MEI4: variants seen among roughly 807,000 people sequenced by gnomAD.
MEI4 encodes the protein meiosis-specific protein MEI4.
MEI4 carries 27 observed loss-of-function variants against 31.4 expected under a neutral mutation model. The observed-to-expected ratio is 0.86, with a 90% CI of 0.63 to 1.19. The LOEUF is 1.19. MEI4 is among the 50% of genes most tolerant of loss of function. The probability of loss-of-function intolerance (pLI) is 0.00; values close to 1 mark genes in which losing one functional copy is unlikely to be tolerated. For synonymous variants in MEI4, 122 were observed against 145.4 expected (o/e 0.84, Z 1.16); for missense variants, 329 against 398.9 (o/e 0.82, Z 1.49).
chr6:77,915,175 T>C (rs1339779573), intron 4 of MEI4, among the ~76,000 whole-genome samples: 1 of 152,104 alleles, frequency 6.6e-6, no homozygotes, highest in Non-Finnish European at 1.5e-5. Context: ...TTGGCAGTTT[T>C]CTGTATCGGT....
At chr6:77,792,561 C>T (rs142830117) in intron 3 of MEI4, among the ~76,000 whole-genome samples, 1 of 152,140 alleles carries the variant, frequency 6.6e-6, no homozygotes, top group East Asian at 1.9e-4. Flanking sequence ...CGGACTATTG[C>T]TATGGAACAT....
chr6:77,923,411 C>T lies in MEI4; in HGVS notation c.*65C>T. 8.7e-7 allele frequency: 1 copy of T among 1,143,654 alleles called. No homozygotes were observed. Among genetic ancestry groups the T allele is most frequent in the East Asian group, 3.2e-5 (1 of 31,102 alleles). 70.8% of individuals were successfully genotyped at this position (1,143,654 alleles called of 1,614,324 possible). On this transcript the variant is annotated 3_prime_UTR_variant, in exon 5 of 5. Transcript: ENST00000684080. ...AAGTAGAATATATGAAAATCTCATA[C>T]TGAAAAGATTTTCAATAGTATTTTA...
intron 3 of MEI4, among the ~76,000 whole-genome samples, chr6:77,811,815 A>C (rs1769580918): frequency 6.6e-6 from 1 of 152,092 alleles, no homozygotes; most frequent in Non-Finnish European, 1.5e-5. Context: ...CATATTAAGA[A>C]GTTATATTTG....
At chr6:77,832,368 T>G (rs1448925749) in intron 4 of MEI4, among the ~76,000 whole-genome samples, 3 of 151,984 alleles carry the variant, frequency 2.0e-5, no homozygotes, top group Non-Finnish European at 4.4e-5. Flanking sequence ...GTATGTCATA[T>G]TGTACTCTAT....
At chr6:77,886,398 C>G (rs1193130009) in intron 4 of MEI4, among the ~76,000 whole-genome samples, 3 of 150,822 alleles carry the variant, frequency 2.0e-5, no homozygotes, top group Non-Finnish European at 4.4e-5. Context: ...TGTACGTGTC[C>G]AAGAATTGAC....
In MEI4 at chr6:77,849,047, G is replaced by GT. The variant is rs774289695; in HGVS notation, c.900+19992dup. The stretch of plus-strand genomic sequence containing the variant: ...AACACACATATAATATAATTGCTGG[G>GT]TTTTTTTAATGGCATCATTAGCATT... On this transcript the variant is annotated intron_variant, in intron 4 of 4. Coordinates refer to ENST00000684080, the MANE Select transcript of MEI4 (RefSeq NM_001322247.2). Among the ~76,000 whole-genome samples the GT allele has an allele frequency of 9.9e-5, 15 of 151,796 alleles. No homozygotes were observed. In the East Asian group the frequency reaches 1.8e-3, roughly 18 times the overall value.
At chr6:77,779,357 G>T (rs1768536484) in intron 3 of MEI4, among the ~76,000 whole-genome samples, 1 of 152,154 alleles carries the variant, frequency 6.6e-6, no homozygotes, top group Admixed American at 6.5e-5. Context: ...CTTTTCATAT[G>T]ATTAATATGT....
At chr6:77,756,014 G>A (rs1209616775) in intron 2 of MEI4, among the ~76,000 whole-genome samples, 7 of 152,206 alleles carry the variant, frequency 4.6e-5, no homozygotes, top group East Asian at 3.9e-4. Flanking sequence ...TACAGAAAGC[G>A]GCACCAGCAT....
intron 1 of MEI4, among the ~76,000 whole-genome samples, chr6:77,683,416 ACACTT>A (rs1768993857): frequency 2.0e-5 from 3 of 152,156 alleles, no homozygotes; most frequent in Admixed American, 6.5e-5. Context: ...CGTGGTGAGA[ACACTT>A]AAGATATATT....
chr6:77,784,545 A>T (rs1464499370), intron 3 of MEI4, among the ~76,000 whole-genome samples: 2 of 152,148 alleles, frequency 1.3e-5, no homozygotes, highest in Non-Finnish European at 2.9e-5. Flanking sequence ...CATTCCTTGC[A>T]AATTAATTAA....
Position 77,694,949 on chromosome 6 carries a change from G to A in MEI4, c.232+4046G>A, listed in dbSNP as rs549077893. 5.8e-4 allele frequency among the ~76,000 whole-genome samples: 87 copies of A among 150,938 alleles called. 1 individual carries two copies. In the South Asian group the frequency reaches 0.016, roughly 28 times the overall value. ...GTTGTTTCCTGACTTTTTAATGATC[G>A]CCATTCTAACTGGTGTGAGATGGTA... On this transcript the variant is annotated intron_variant, in intron 2 of 4. Transcript: ENST00000684080.
At chr6:77,904,379 G>A (rs1253316665) in intron 4 of MEI4, among the ~76,000 whole-genome samples, 1 of 151,912 alleles carries the variant, frequency 6.6e-6, no homozygotes, top group Non-Finnish European at 1.5e-5. Flanking sequence ...GGTGTCACGG[G>A]GATTTGGTGT....
chr6:77,892,516 T>C, intron 4 of MEI4, among the ~76,000 whole-genome samples: 1 of 151,946 alleles, frequency 6.6e-6, no homozygotes, highest in African/African-American at 2.4e-5. Context: ...AGAACCCCCT[T>C]AGGGTGCATG....
At chr6:77,809,432 T>G (rs2127704318) in intron 3 of MEI4, among the ~76,000 whole-genome samples, 1 of 152,310 alleles carries the variant, frequency 6.6e-6, no homozygotes, top group African/African-American at 2.4e-5. Context: ...TCTTTATATG[T>G]GAAAAGATAA....
chr6:77,802,677 A>C (rs1450387211), intron 3 of MEI4, among the ~76,000 whole-genome samples: 1 of 151,832 alleles, frequency 6.6e-6, no homozygotes, highest in Non-Finnish European at 1.5e-5. Flanking sequence ...TGGTGACAAA[A>C]CTCTCTCAGC....
Position 77,760,673 on chromosome 6 carries a change from A to G in MEI4, c.233-457A>G, listed in dbSNP as rs186030240. On this transcript the variant is annotated intron_variant, in intron 2 of 4. Transcript: ENST00000684080. ...GAGCTCCTACTTTATAAGTAGTTCC[A>G]TCATGACCTCTTCCAGGATACACTA... Among the ~76,000 whole-genome samples the G allele has an allele frequency of 1.4e-3, 209 of 152,252 alleles. 1 individual carries two copies. The highest frequency in any genetic ancestry group is 4.4e-3 in the African/African-American group (183 of 41,556).
At chr6:77,834,747 G>T (rs1437060260) in intron 4 of MEI4, among the ~76,000 whole-genome samples, 3 of 152,148 alleles carry the variant, frequency 2.0e-5, no homozygotes, top group Non-Finnish European at 4.4e-5. Context: ...AGAGGGTAAA[G>T]ATTAAAGGCT....
chr6:77,739,842 C>T (rs1481971057), intron 2 of MEI4, among the ~76,000 whole-genome samples: 1 of 151,926 alleles, frequency 6.6e-6, no homozygotes, highest in African/African-American at 2.4e-5. Context: ...CTTCTGCTAG[C>T]TTTGGGATTG....
intron 3 of MEI4, among the ~76,000 whole-genome samples, chr6:77,775,769 C>T (rs1394528349): frequency 6.6e-6 from 1 of 152,116 alleles, no homozygotes; most frequent in Non-Finnish European, 1.5e-5. Flanking sequence ...TAAAGAATCT[C>T]CAAACTGTTT....
Sources: gnomAD v4.1 joint callset for allele counts (sites outside exome capture counted in the v4.1 genomes callset) on GRCh38, gnomAD v4.1.1 for gene constraint, MANE v1.5 for transcripts, NCBI Gene and HGNC (gene_info 2026-07-23, HGNC 2026-07-21) for gene names.